The following PCDHGA8 variants were observed in gnomAD, a reference collection of about 807,000 sequenced individuals.
The protein encoded by PCDHGA8 is protocadherin gamma subfamily A, 8, also known as protocadherin gamma-A8.
A neutral mutation model predicts 59.2 loss-of-function variants in PCDHGA8; 45 were observed. That is an observed-to-expected ratio of 0.76 (90% CI 0.60 to 0.98). PCDHGA8 has a LOEUF of 0.98. Among genes scored for constraint, PCDHGA8 ranks in the 50% least tolerant of loss-of-function variants. The probability of loss-of-function intolerance (pLI) is 0.00; values close to 1 mark genes in which losing one functional copy is unlikely to be tolerated. For synonymous variants in PCDHGA8, 531 were observed against 519.0 expected (o/e 1.02, Z -0.32); for missense variants, 1,257 against 1,196.2 (o/e 1.05, Z -0.75).
intron 2 of PCDHGA8, among the ~76,000 whole-genome samples, chr5:141,504,355 C>T (rs974022699): frequency 6.6e-6 from 1 of 152,078 alleles, no homozygotes; most frequent in Non-Finnish European, 1.5e-5. Flanking sequence ...GTGCTAGGTG[C>T]TTCAGTAGGA....
intron 1 of PCDHGA8, among the ~76,000 whole-genome samples, chr5:141,451,108 G>A (rs1484218835): frequency 3.3e-5 from 5 of 151,860 alleles, no homozygotes; most frequent in South Asian, 2.1e-4. Flanking sequence ...GATTACAGGC[G>A]TGAGCCACCA....
chr5:141,489,271 G>A lies in PCDHGA8; in HGVS notation c.2425-5536G>A, dbSNP rs1431562179. The A allele has an allele frequency of 2.4e-5, 37 of 1,554,676 alleles. No individual in the cohort carries two copies. The highest frequency in any genetic ancestry group is 3.0e-5 in the Non-Finnish European group (35 of 1,150,770). ...GCCCAAGACACTCCCACAGCTCGCT[G>A]GGAAATGGCAAGTGCTGTGCATGTT... On this transcript the variant is annotated intron_variant, in intron 1 of 3. Transcript: ENST00000398604. The surrounding 1 kb of genome is among the most constrained non-coding windows in gnomAD (Gnocchi z 4.5).
In PCDHGA8 at chr5:141,480,546, G is replaced by A. The variant is rs184388425; in HGVS notation, c.2425-14261G>A. Reference sequence around the variant, plus strand: ...GACAAAGTAGAAGCACATATGAAAAGGCTAAGAAAGCATGAAAGCCAGCAA... The same window carrying A: ...GACAAAGTAGAAGCACATATGAAAAAGCTAAGAAAGCATGAAAGCCAGCAA... On this transcript the variant is annotated intron_variant, in intron 1 of 3. Coordinates refer to ENST00000398604, the MANE Select transcript of PCDHGA8 (RefSeq NM_032088.2). 4.9e-4 allele frequency among the ~76,000 whole-genome samples: 63 copies of A among 128,620 alleles called. 1 individual carries two copies. Among genetic ancestry groups the A allele is most frequent in the Middle Eastern group, 4.2e-3 (1 of 236 alleles). The allele number at this position is 128,620 out of a possible 152,430, so 84.4% of individuals were successfully genotyped here. A position where few individuals can be genotyped will look rare whatever the true frequency, so the allele number is the denominator to read the frequency against.
intron 1 of PCDHGA8, among the ~76,000 whole-genome samples, chr5:141,438,587 CATACATATAT>C (rs1422309749): frequency 6.8e-5 from 5 of 73,430 alleles, no homozygotes; most frequent in South Asian, 5.1e-4. Context: ...TACATACATA[CATACATATAT>C]ATATATATAT....
At position 141,392,828 on chromosome 5, in the gene PCDHGA8, G is replaced by T; in HGVS notation, c.15G>T (p.Gln5His). The T allele has an allele frequency of 6.2e-7, 1 of 1,604,008 alleles. No individual in the cohort carries two copies. The highest frequency in any genetic ancestry group is 8.5e-7 in the Non-Finnish European group (1 of 1,175,034). MAAP[Q>H]SRPRRGELIL... ...GCAAAACAACAATGGCCGCTCCACA[G>T]AGTCGCCCCAGACGCGGCGAGCTGA... The change falls in exon 1 of 4, where the codon CAG (glutamine) becomes CAT (histidine). Residue 5 changes from glutamine to histidine, a missense_variant. Gln to His is a conservative substitution (Grantham distance 24). Transcript: ENST00000398604.
intron 1 of PCDHGA8, chr5:141,433,267 C>T (rs1462399366): frequency 7.7e-7 from 1 of 1,305,096 alleles, no homozygotes; most frequent in Non-Finnish European, 1.1e-6. Context: ...GATCATAGCT[C>T]ACTGCAGCCT....
intron 1 of PCDHGA8, among the ~76,000 whole-genome samples, chr5:141,447,104 A>G (rs1212797996): frequency 2.0e-5 from 3 of 151,958 alleles, no homozygotes; most frequent in African/African-American, 7.3e-5. Flanking sequence ...TCACATGATT[A>G]TATGTGCTCC....
chr5:141,511,265 A>C lies in PCDHGA8; in HGVS notation c.*92A>C. The C allele has an allele frequency of 6.4e-7, 1 of 1,551,730 alleles. No individual in the cohort carries two copies. Among genetic ancestry groups the C allele is most frequent in the Non-Finnish European group, 8.7e-7 (1 of 1,148,178 alleles). ...ACCCAGGCCTCAGAGTTTCAGGGCT[A>C]ACCCCCAGAATACTGGTAGGGGCCA... On this transcript the variant is annotated 3_prime_UTR_variant, in exon 4 of 4. Coordinates refer to ENST00000398604, the MANE Select transcript of PCDHGA8 (RefSeq NM_032088.2).
intron 1 of PCDHGA8, among the ~76,000 whole-genome samples, chr5:141,467,695 T>C (rs1189395935): frequency 6.6e-6 from 1 of 152,142 alleles, no homozygotes; most frequent in Non-Finnish European, 1.5e-5. Flanking sequence ...AGGGTCTGGC[T>C]CTGTTGCCCA....
At chr5:141,506,188 C>T (rs925159785) in intron 3 of PCDHGA8, among the ~76,000 whole-genome samples, 2 of 152,058 alleles carry the variant, frequency 1.3e-5, no homozygotes, top group African/African-American at 4.8e-5. Flanking sequence ...TGGTGGCTCA[C>T]GCCTGTAATC....
chr5:141,415,494 C>T lies in PCDHGA8; in HGVS notation c.2424+20257C>T, dbSNP rs377609539. 2.5e-6 allele frequency: 4 copies of T among 1,614,110 alleles called. No homozygotes were observed. The African/African-American group carries it at 4.0e-5, about 16-fold the overall frequency. ...CGGACTCGCGAAAGAGTCACCTGAT[C>T]TTCCCCCAGCCCAATTATGCGGACA... On this transcript the variant is annotated intron_variant, in intron 1 of 3. Transcript: ENST00000398604.
At chr5:141,404,776 A>C in intron 1 of PCDHGA8, 1 of 1,613,070 alleles carries the variant, frequency 6.2e-7, no homozygotes, top group Non-Finnish European at 8.5e-7. Context: ...CCTACCGCCT[A>C]TTCAAGGCCA....
At chr5:141,419,331 T>G (rs2096361475) in intron 1 of PCDHGA8, 2 of 1,613,840 alleles carry the variant, frequency 1.2e-6, no homozygotes, top group Non-Finnish European at 8.5e-7. Flanking sequence ...TCCTACTCTC[T>G]CATTGCCAGC....
chr5:141,442,650 G>A (rs192694987), intron 1 of PCDHGA8, among the ~76,000 whole-genome samples: 83 of 152,350 alleles, frequency 5.4e-4, no homozygotes, highest in Admixed American at 9.1e-4. Flanking sequence ...CCTAAGATGA[G>A]AAATATTTGG....
chr5:141,469,704 C>T (rs1038504640), intron 1 of PCDHGA8, among the ~76,000 whole-genome samples: 9 of 152,340 alleles, frequency 5.9e-5, no homozygotes, highest in African/African-American at 1.9e-4. Flanking sequence ...ACCTAGTAAT[C>T]ACACTATTAG....
rs1354510383 is a variant in PCDHGA8, at chr5:141,432,312, G to A, written c.2424+37075G>A. The A allele has an allele frequency of 5.6e-6, 9 of 1,614,132 alleles. No homozygotes were observed. The highest frequency in any genetic ancestry group is 7.6e-6 in the Non-Finnish European group (9 of 1,180,054). On this transcript the variant is annotated intron_variant, in intron 1 of 3. Transcript: ENST00000398604. The surrounding 1 kb of genome is among the most constrained non-coding windows in gnomAD (Gnocchi z 6.0). Reference sequence around the variant, plus strand: ...GACACTGGGGTACTGTATGCGCTGAGCTCCTTCGACTACGAGCAGTTCCGA... The same window carrying A: ...GACACTGGGGTACTGTATGCGCTGAACTCCTTCGACTACGAGCAGTTCCGA...
Position 141,426,915 on chromosome 5 carries a change from G to A in PCDHGA8, c.2424+31678G>A, listed in dbSNP as rs143411146. On this transcript the variant is annotated intron_variant, in intron 1 of 3. Coordinates refer to ENST00000398604, the MANE Select transcript of PCDHGA8 (RefSeq NM_032088.2). ...ACAGAGCTCTCATCTCCTGGTCCTG[G>A]AAGCAATGGACATGGGTGACCCAGT... 1,737 of 456,738 alleles carry A rather than the reference G, an allele frequency of 3.8e-3. 17 individuals carry two copies. Among genetic ancestry groups the A allele is most frequent in the Admixed American group, 0.01 (426 of 42,586 alleles). The allele number at this position is 456,738 out of a possible 1,614,324, so 28.3% of individuals were successfully genotyped here.
At chr5:141,494,902 C>A (rs2099757367) in intron 2 of PCDHGA8, 37 bp downstream of exon 2, 1 of 1,614,024 alleles carries the variant, frequency 6.2e-7, no homozygotes, top group East Asian at 2.2e-5. Context: ...CTCTTCTCTG[C>A]GGCATTTTCT....
In PCDHGA8 at chr5:141,500,954, C is replaced by T. The variant is rs536993707; in HGVS notation, c.2484-4439C>T. On this transcript the variant is annotated intron_variant, in intron 2 of 3. Coordinates refer to ENST00000398604, the MANE Select transcript of PCDHGA8 (RefSeq NM_032088.2). Reference sequence around the variant, plus strand: ...CGCCATCTCGGCTCACTGCAAGCTCCACCTCCTGGGTTCAAGCAATTCTCC... The same window carrying T: ...CGCCATCTCGGCTCACTGCAAGCTCTACCTCCTGGGTTCAAGCAATTCTCC... Among the ~76,000 whole-genome samples the T allele has an allele frequency of 2.4e-3, 358 of 152,060 alleles. 1 individual carries two copies. The highest frequency in any genetic ancestry group is 4.1e-3 in the Admixed American group (63 of 15,282).
Sources: allele counts gnomAD v4.1 joint callset (sites outside exome capture counted in the v4.1 genomes callset), GRCh38; gene constraint gnomAD v4.1.1; non-coding constraint Gnocchi (gnomAD v3.1); transcripts MANE v1.5; gene names NCBI Gene and HGNC (gene_info 2026-07-23, HGNC 2026-07-21).